Variants in TENM1 observed in about 807,000 individuals in gnomAD.
TENM1 encodes the protein teneurin transmembrane protein 1, also known as teneurin-1.
In TENM1, 35 loss-of-function variants were observed where a neutral mutation model predicts 174.8. The observed-to-expected ratio is 0.20, with a 90% confidence interval of 0.15 to 0.27. The LOEUF is 0.27. Among genes scored for constraint, TENM1 ranks in the 10% least tolerant of loss-of-function variants. TENM1 has a pLI of 1.00. For synonymous variants in TENM1, 781 were observed against 798.7 expected (o/e 0.98, Z 0.37); for missense variants, 1,633 against 2,130.1 (o/e 0.77, Z 4.59).
intron 3 of TENM1, among the ~76,000 whole-genome samples, chrX:124,891,237 T>C (rs2057471131): frequency 9.0e-6 from 1 of 111,389 alleles, no homozygotes; most frequent in African/African-American, 3.3e-5. Flanking sequence ...TAGCATTTGA[T>C]AGCACAACAG....
chrX:124,487,463 C>A (rs539707051), intron 20 of TENM1, among the ~76,000 whole-genome samples: 1 of 112,016 alleles, frequency 8.9e-6, no homozygotes, highest in Non-Finnish European at 1.9e-5. Flanking sequence ...TTGGTGGATG[C>A]GCAAAGTTCT....
chrX:124,405,038 C>T (rs1381129647), exon 27 of TENM1: 3 of 1,209,530 alleles, frequency 2.5e-6, no homozygotes, highest in South Asian at 1.8e-5. Context: ...TACCCTCAGC[C>T]TCCTTTCAAA....
the TENM1 span, among the ~76,000 whole-genome samples, chrX:124,977,967 TGAGAGAGAGAGAGAGAGA>T: frequency 7.2e-3 from 238 of 33,068 alleles, 2 homozygotes; most frequent in South Asian, 0.02. Context: ...TGTGTGTGTG[TGAGAGAGAGAGAGAGAGA>T]GAGAGAGAGA....
At chrX:125,113,507 T>C in the TENM1 span, among the ~76,000 whole-genome samples, 3 of 111,400 alleles carry the variant, frequency 2.7e-5, no homozygotes, top group Non-Finnish European at 5.7e-5. Flanking sequence ...GTGTGTTGTA[T>C]TCAGAAGACT....
intron 11 of TENM1, among the ~76,000 whole-genome samples, chrX:124,621,484 A>G (rs2050518879): frequency 8.9e-6 from 1 of 112,130 alleles, no homozygotes; most frequent in African/African-American, 3.2e-5. Context: ...AAATGAAAAC[A>G]AAACAAAACA....
intron 1 of TENM1, among the ~76,000 whole-genome samples, chrX:124,956,404 C>T (rs918852733): frequency 6.3e-5 from 7 of 111,941 alleles, no homozygotes; most frequent in African/African-American, 1.9e-4. Context: ...ACAATGCTTG[C>T]GTGAAATGCC....
intron 11 of TENM1, among the ~76,000 whole-genome samples, chrX:124,588,138 C>T (rs1403456991): frequency 9.1e-6 from 1 of 109,312 alleles, no homozygotes; most frequent in Non-Finnish European, 1.9e-5. Flanking sequence ...GTAGCGATTT[C>T]CTCGGGGATC....
intron 29 of TENM1, 67 bp from the exon 33 acceptor site, chrX:124,384,921 G>C: frequency 9.8e-7 from 1 of 1,020,409 alleles, no homozygotes. Flanking sequence ...GAAAGGTCTA[G>C]TGTTATTTTA....
intron 5 of TENM1, among the ~76,000 whole-genome samples, chrX:124,704,540 A>AT (rs1361706064): frequency 1.8e-5 from 2 of 111,906 alleles, no homozygotes; most frequent in African/African-American, 6.5e-5. Flanking sequence ...ATAAGAATAC[A>AT]TTTTTTGGTC....
chrX:124,731,033 G>C (rs1387512046), intron 4 of TENM1, among the ~76,000 whole-genome samples: 1 of 111,047 alleles, frequency 9.0e-6, no homozygotes, highest in Non-Finnish European at 1.9e-5. Context: ...TTCACATTCA[G>C]TTTGGATTTC....
At chrX:124,552,312 C>T (rs1004342595) in intron 14 of TENM1, among the ~76,000 whole-genome samples, 2 of 111,688 alleles carry the variant, frequency 1.8e-5, no homozygotes, top group Non-Finnish European at 3.8e-5. Context: ...AGCAGGCCTC[C>T]TACTAGGCAC....
At chrX:124,668,657 C>G (rs1456039760) in intron 6 of TENM1, among the ~76,000 whole-genome samples, 1 of 107,061 alleles carries the variant, frequency 9.3e-6, no homozygotes, top group East Asian at 2.9e-4. Flanking sequence ...AATGAGAACA[C>G]ATGGACACAG....
intron 11 of TENM1, among the ~76,000 whole-genome samples, chrX:124,609,671 G>T (rs1451222328): frequency 9.0e-6 from 1 of 111,466 alleles, no homozygotes; most frequent in African/African-American, 3.3e-5. Context: ...CATAACTCTT[G>T]GTTGCCCCCA....
chrX:125,070,923 C>A, the TENM1 span, among the ~76,000 whole-genome samples: 1 of 111,695 alleles, frequency 9.0e-6, no homozygotes, highest in African/African-American at 3.2e-5. Flanking sequence ...GAACAGATAA[C>A]CTTTTGGGTT....
At position 124,801,198 on chromosome X, in the gene TENM1, T is replaced by C. The variant is rs938571506; in HGVS notation, c.536-64001A>G. Among the ~76,000 whole-genome samples the C allele has an allele frequency of 2.7e-5, 3 of 111,653 alleles. No homozygotes were observed. The Admixed American group carries it at 2.8e-4, about 11-fold the overall frequency. ...TCTGTATAATATTGACAGTGGGGTGTTAAATTTTCCCATTATTATTGTGTG... is the reference window on the plus strand; with the variant it reads ...TCTGTATAATATTGACAGTGGGGTGCTAAATTTTCCCATTATTATTGTGTG... On this transcript the variant is annotated intron_variant, in intron 3 of 31. Transcript: ENST00000422452.
chrX:124,503,633 T>C, exon 19 of TENM1: 1 of 1,208,998 alleles, frequency 8.3e-7, no homozygotes, highest in Non-Finnish European at 1.1e-6. Flanking sequence ...TCTCAAAACC[T>C]TGTAAAACGA....
chrX:124,405,000 G>A, intron 27 of TENM1, 31 bp downstream of exon 30: 1 of 1,150,612 alleles, frequency 8.7e-7, no homozygotes, highest in Non-Finnish European at 1.2e-6. Flanking sequence ...ACCTATAAAA[G>A]TTCTATATCT....
chrX:124,678,509 A>C (rs1281258699), intron 5 of TENM1, among the ~76,000 whole-genome samples: 1 of 111,251 alleles, frequency 9.0e-6, no homozygotes, highest in Non-Finnish European at 1.9e-5. Flanking sequence ...ATTTTAAAAT[A>C]CCAGGTGCTC....
chrX:124,528,511 T>G (rs2048031122), intron 16 of TENM1, among the ~76,000 whole-genome samples: 1 of 110,926 alleles, frequency 9.0e-6, no homozygotes, highest in East Asian at 2.8e-4. Context: ...GGCATATGGT[T>G]GAAGATGTTT....
Sources: gnomAD v4.1 joint callset for allele counts (sites outside exome capture counted in the v4.1 genomes callset) on GRCh38, gnomAD v4.1.1 for gene constraint, MANE v1.5 for transcripts, NCBI Gene and HGNC (gene_info 2026-07-23, HGNC 2026-07-21) for gene names.